ZBTB20: variants seen among roughly 807,000 people sequenced by gnomAD.
ZBTB20 encodes the protein zinc finger and BTB domain-containing protein 20.
In ZBTB20, 9 loss-of-function variants were observed where a neutral mutation model predicts 56.9. The ratio of observed to expected loss-of-function variants is 0.16; its 90% confidence interval spans 0.10 to 0.28. The LOEUF (loss-of-function observed/expected upper bound fraction) is 0.28. Among genes scored for constraint, ZBTB20 ranks in the 10% least tolerant of loss-of-function variants. The pLI is 1.00. For synonymous variants in ZBTB20, 417 were observed against 420.7 expected (o/e 0.99, Z 0.11); for missense variants, 655 against 1,003.0 (o/e 0.65, Z 4.69).
chr3:114,455,277 G>C (rs147946488), intron 7 of ZBTB20, among the ~76,000 whole-genome samples: 1 of 152,040 alleles, frequency 6.6e-6, no homozygotes, highest in Admixed American at 6.6e-5. Context: ...CAGCAGGCTC[G>C]GCTGAACCAA....
chr3:115,075,092 C>G (rs1036759512), intron 1 of ZBTB20, among the ~76,000 whole-genome samples: 2 of 152,056 alleles, frequency 1.3e-5, no homozygotes, highest in East Asian at 3.9e-4. Context: ...TTTATTGAAG[C>G]CTTACTACAT....
chr3:114,817,181 TA>T (rs2072977754), intron 4 of ZBTB20, among the ~76,000 whole-genome samples: 1 of 124,928 alleles, frequency 8.0e-6, no homozygotes. Context: ...GAAATATATT[TA>T]TACAACTTAT....
At chr3:114,400,584 G>C (rs2086730511) in intron 7 of ZBTB20, among the ~76,000 whole-genome samples, 2 of 152,296 alleles carry the variant, frequency 1.3e-5, no homozygotes, top group African/African-American at 4.8e-5. Context: ...AGTTACTTGA[G>C]TGGGTGAGCC....
chr3:114,416,933 T>C (rs1404684427), intron 7 of ZBTB20, among the ~76,000 whole-genome samples: 2 of 152,116 alleles, frequency 1.3e-5, no homozygotes, highest in Non-Finnish European at 2.9e-5. Context: ...ACCATTTTAA[T>C]ACCTTTGGTG....
chr3:115,061,840 G>A (rs527372573), intron 2 of ZBTB20, among the ~76,000 whole-genome samples: 16 of 152,190 alleles, frequency 1.1e-4, no homozygotes, highest in East Asian at 9.6e-4. Context: ...TTTATTTTAT[G>A]ACAGAAATAT....
intron 5 of ZBTB20, among the ~76,000 whole-genome samples, chr3:114,792,933 T>C (rs1231045807): frequency 6.7e-6 from 1 of 148,978 alleles, no homozygotes; most frequent in Non-Finnish European, 1.5e-5. Flanking sequence ...TGGAGTGCAA[T>C]GGTGCGATCT....
chr3:114,747,013 A>AT (rs1167055028), intron 5 of ZBTB20, among the ~76,000 whole-genome samples: 22 of 152,168 alleles, frequency 1.4e-4, no homozygotes, highest in Admixed American at 2.0e-4. Flanking sequence ...TACATGTAAA[A>AT]TTTTTCTCTA....
intron 4 of ZBTB20, among the ~76,000 whole-genome samples, chr3:114,854,611 C>T (rs1245979287): frequency 6.6e-6 from 1 of 152,194 alleles, no homozygotes; most frequent in African/African-American, 2.4e-5. Context: ...GGTTTGAATC[C>T]TGACTGTGTT....
chr3:114,963,489 C>T (rs1576437388), intron 3 of ZBTB20, among the ~76,000 whole-genome samples: 1 of 152,290 alleles, frequency 6.6e-6, no homozygotes, highest in East Asian at 1.9e-4. Context: ...AGTTTTACCG[C>T]AACCACATCT....
At chr3:114,642,535 G>A (rs1472586003) in intron 6 of ZBTB20, among the ~76,000 whole-genome samples, 2 of 151,986 alleles carry the variant, frequency 1.3e-5, no homozygotes, top group Non-Finnish European at 2.9e-5. Context: ...ATATTCTGAA[G>A]TTTTGTCTAG....
At chr3:114,938,464 A>T (rs1560418914) in intron 3 of ZBTB20, among the ~76,000 whole-genome samples, 4 of 146,366 alleles carry the variant, frequency 2.7e-5, no homozygotes. Flanking sequence ...AAAATGTGCC[A>T]CATATACACC....
intron 7 of ZBTB20, among the ~76,000 whole-genome samples, chr3:114,428,484 T>C (rs1306522715): frequency 6.6e-6 from 1 of 152,112 alleles, no homozygotes; most frequent in Non-Finnish European, 1.5e-5. Context: ...GGGAACTGGG[T>C]AGATTTTAGT....
At chr3:114,813,444 C>T (rs190266619) in intron 4 of ZBTB20, among the ~76,000 whole-genome samples, 1 of 152,228 alleles carries the variant, frequency 6.6e-6, no homozygotes, top group East Asian at 1.9e-4. Context: ...ACTATTTCTG[C>T]TATTAATTAA....
intron 10 of ZBTB20, among the ~76,000 whole-genome samples, chr3:114,353,547 A>G (rs2080904814): frequency 6.6e-6 from 1 of 152,202 alleles, no homozygotes; most frequent in Non-Finnish European, 1.5e-5. Flanking sequence ...TTACTTATAT[A>G]AGACAAGTTC....
chr3:114,891,712 A>G (rs539382060), intron 4 of ZBTB20, among the ~76,000 whole-genome samples: 1 of 152,342 alleles, frequency 6.6e-6, no homozygotes, highest in African/African-American at 2.4e-5. Flanking sequence ...ATAAAATGAA[A>G]CAAAGAGAAG....
chr3:114,456,830 A>C (rs2092048165), intron 7 of ZBTB20, among the ~76,000 whole-genome samples: 1 of 152,230 alleles, frequency 6.6e-6, no homozygotes, highest in Admixed American at 6.5e-5. Flanking sequence ...GATGTGTATG[A>C]AACCGAAAAC....
In ZBTB20 at chr3:114,350,902, C is replaced by T; in HGVS notation, c.1176G>A (p.Gln392=). The change falls in exon 11 of 12, where the codon CAG becomes CAA. Residue 392 remains glutamine, a synonymous_variant. Transcript: ENST00000675478. ...CCCGCGCCGCCCCAGGCCCAAACTG[C>T]TGCTCCACCGAGTCAGGCTCGGTGC... ...SIGTEPDSVE[Q]QFGPGAARDS... 6.2e-7 allele frequency: 1 copy of T among 1,606,546 alleles called. No individual in the cohort carries two copies. The highest frequency in any genetic ancestry group is 1.7e-5 in the Admixed American group (1 of 60,002).
intron 7 of ZBTB20, among the ~76,000 whole-genome samples, chr3:114,471,006 T>C (rs2040066340): frequency 6.6e-6 from 1 of 152,180 alleles, no homozygotes; most frequent in Non-Finnish European, 1.5e-5. Flanking sequence ...CATGTATTTA[T>C]AAAATTATGT....
intron 10 of ZBTB20, among the ~76,000 whole-genome samples, chr3:114,368,651 T>C (rs1156400710): frequency 2.6e-5 from 4 of 152,190 alleles, no homozygotes; most frequent in Non-Finnish European, 4.4e-5. Context: ...TATGAACCTC[T>C]AAAAGAAAGG....
Sources: gnomAD v4.1 joint callset for allele counts (sites outside exome capture counted in the v4.1 genomes callset) on GRCh38, gnomAD v4.1.1 for gene constraint, MANE v1.5 for transcripts, NCBI Gene and HGNC (gene_info 2026-07-23, HGNC 2026-07-21) for gene names.